Variants in COX7B2 observed in about 807,000 individuals in gnomAD.
COX7B2 encodes the protein cytochrome c oxidase subunit 7B2.
For synonymous variants in COX7B2, 37 were observed against 32.1 expected (o/e 1.15, Z -0.51); for missense variants, 109 against 95.9 (o/e 1.14, Z -0.57).
intron 2 of COX7B2, among the ~76,000 whole-genome samples, chr4:46,829,889 C>G (rs912419890): frequency 7.2e-5 from 11 of 152,046 alleles, no homozygotes; most frequent in African/African-American, 2.7e-4. Context: ...TGAGTAAAAA[C>G]TAATGACATA....
chr4:46,738,792 G>A (rs916135200), intron 2 of COX7B2, among the ~76,000 whole-genome samples: 1 of 152,016 alleles, frequency 6.6e-6, no homozygotes, highest in Non-Finnish European at 1.5e-5. Flanking sequence ...AAAAGATAGA[G>A]GAAGACAGAT....
At chr4:46,858,751 A>G (rs948923788) in intron 1 of COX7B2, among the ~76,000 whole-genome samples, 3 of 152,170 alleles carry the variant, frequency 2.0e-5, no homozygotes, top group African/African-American at 7.2e-5. Flanking sequence ...GGAGTTGTCA[A>G]GATTCTCAGT....
intron 2 of COX7B2, among the ~76,000 whole-genome samples, chr4:46,785,784 C>T (rs1717726177): frequency 6.6e-6 from 1 of 151,964 alleles, no homozygotes; most frequent in Non-Finnish European, 1.5e-5. Context: ...GGGGAGCAAC[C>T]CATGGGTGAG....
intron 2 of COX7B2, among the ~76,000 whole-genome samples, chr4:46,791,780 A>G (rs1241033184): frequency 6.6e-6 from 1 of 152,228 alleles, no homozygotes; most frequent in East Asian, 1.9e-4. Flanking sequence ...AAATCCAAGC[A>G]GTCCTTTCCA....
At chr4:46,789,912 A>G (rs1717948366) in intron 2 of COX7B2, among the ~76,000 whole-genome samples, 1 of 152,132 alleles carries the variant, frequency 6.6e-6, no homozygotes, top group Non-Finnish European at 1.5e-5. Context: ...TTAGGATTTT[A>G]AAAACATAAT....
At chr4:46,762,247 ATATTT>A (rs1716205447) in intron 2 of COX7B2, among the ~76,000 whole-genome samples, 2 of 141,716 alleles carry the variant, frequency 1.4e-5, no homozygotes, top group South Asian at 4.2e-4. Context: ...AATATATTAT[ATATTT>A]AATATATAAT....
At chr4:46,794,115 C>T (rs1718197019) in intron 2 of COX7B2, among the ~76,000 whole-genome samples, 1 of 152,214 alleles carries the variant, frequency 6.6e-6, no homozygotes, top group Non-Finnish European at 1.5e-5. Flanking sequence ...CAAAGTATAA[C>T]ACATAAAGTA....
intron 2 of COX7B2, among the ~76,000 whole-genome samples, chr4:46,754,475 A>G (rs190182603): frequency 2.3e-5 from 3 of 133,036 alleles, no homozygotes. Flanking sequence ...AAAAAACCAA[A>G]CACTGCATGT....
intron 1 of COX7B2, among the ~76,000 whole-genome samples, chr4:46,850,820 G>C (rs972306422): frequency 2.6e-5 from 4 of 151,956 alleles, no homozygotes; most frequent in Admixed American, 2.6e-4. Flanking sequence ...AGGTGGTCAG[G>C]CTTTGTATTA....
intron 2 of COX7B2, among the ~76,000 whole-genome samples, chr4:46,744,738 ATTTTTTT>A (rs773481406): frequency 5.6e-5 from 7 of 124,666 alleles, no homozygotes; most frequent in African/African-American, 2.0e-4. Context: ...AGATATTTTA[ATTTTTTT>A]TTTTTTTTTT....
chr4:46,820,406 C>G (rs1714188290), intron 2 of COX7B2, among the ~76,000 whole-genome samples: 1 of 152,206 alleles, frequency 6.6e-6, no homozygotes, highest in South Asian at 2.1e-4. Context: ...TGAAGCCTCA[C>G]TCACTTGCCT....
chr4:46,864,757 G>A (rs564382439), intron 1 of COX7B2, among the ~76,000 whole-genome samples: 1 of 152,168 alleles, frequency 6.6e-6, no homozygotes, highest in African/African-American at 2.4e-5. Flanking sequence ...CCATTCTCCT[G>A]CCTCAGCCTC....
intron 2 of COX7B2, among the ~76,000 whole-genome samples, chr4:46,835,236 C>A (rs1028444597): frequency 6.6e-6 from 1 of 151,928 alleles, no homozygotes; most frequent in East Asian, 1.9e-4. Context: ...ACAAATGCAC[C>A]TAGTTTTAAC....
chr4:46,879,531 G>A (rs1718570351), intron 1 of COX7B2, among the ~76,000 whole-genome samples: 1 of 147,582 alleles, frequency 6.8e-6, no homozygotes, highest in Non-Finnish European at 1.5e-5. Context: ...CCAATGAAAT[G>A]TAAATTATAG....
At chr4:46,740,662 A>C (rs1034242933) in intron 2 of COX7B2, among the ~76,000 whole-genome samples, 2 of 152,120 alleles carry the variant, frequency 1.3e-5, no homozygotes, top group African/African-American at 2.4e-5. Context: ...CAAAAATTTA[A>C]GATGTTAGTT....
intron 1 of COX7B2, among the ~76,000 whole-genome samples, chr4:46,860,736 C>T (rs1246590122): frequency 6.6e-6 from 1 of 152,058 alleles, no homozygotes; most frequent in African/African-American, 2.4e-5. Context: ...TATTTTCCTC[C>T]CTGCAATGTA....
chr4:46,903,459 GTTT>G lies in COX7B2; in HGVS notation c.-105+5698_-105+5700del, dbSNP rs879675216. Among the ~76,000 whole-genome samples the G allele has an allele frequency of 4.2e-5, 6 of 144,540 alleles. No homozygotes were observed. In the Admixed American group the frequency reaches 4.2e-4, roughly 10 times the overall value. 94.8% of individuals were successfully genotyped at this position (144,540 alleles called of 152,430 possible). On this transcript the variant is annotated intron_variant, in intron 1 of 2. Transcript: ENST00000355591. ...TGTAACATTGTAGCGCAATTACTTA[GTTT>G]TTTTTTTTTTAAATAAATTCAGTGT...
chr4:46,820,337 T>C (rs1053163929), intron 2 of COX7B2, among the ~76,000 whole-genome samples: 3 of 152,140 alleles, frequency 2.0e-5, no homozygotes, highest in Admixed American at 1.3e-4. Flanking sequence ...TCTGCTGATC[T>C]GACGGGAGGT....
chr4:46,751,358 T>C (rs1715364397), intron 2 of COX7B2, among the ~76,000 whole-genome samples: 1 of 152,116 alleles, frequency 6.6e-6, no homozygotes, highest in African/African-American at 2.4e-5. Context: ...TACATGTTAT[T>C]TGTTGAATGT....
Sources: allele counts gnomAD v4.1 joint callset (sites outside exome capture counted in the v4.1 genomes callset), GRCh38; gene constraint gnomAD v4.1.1; transcripts MANE v1.5; gene names NCBI Gene and HGNC (gene_info 2026-07-23, HGNC 2026-07-21).